The following SEMA4D variants were observed in gnomAD, a reference collection of about 807,000 sequenced individuals.
SEMA4D encodes the protein semaphorin 4D, also known as semaphorin-4D.
A neutral mutation model predicts 74.8 loss-of-function variants in SEMA4D; 22 were observed. The ratio of observed to expected loss-of-function variants is 0.29; its 90% CI spans 0.21 to 0.42. SEMA4D has a LOEUF of 0.42. Among genes scored for constraint, SEMA4D ranks in the 10% least tolerant of loss-of-function variants. The probability of loss-of-function intolerance (pLI) is 1.00; values close to 1 mark genes in which losing one functional copy is unlikely to be tolerated. For missense variants in SEMA4D, 937 were observed against 1,118.4 expected (o/e 0.84, Z 2.31); for synonymous variants, 445 against 463.7 (o/e 0.96, Z 0.52).
intron 2 of SEMA4D, among the ~76,000 whole-genome samples, chr9:89,416,578 G>A (rs555735001): frequency 3.9e-5 from 6 of 152,174 alleles, no homozygotes; most frequent in Non-Finnish European, 5.9e-5. Context: ...AGACTCACAA[G>A]AACATACACT....
rs763389990 is a variant in SEMA4D at position 89,381,044 on chromosome 9, G to A, written c.1663+11C>T. The A allele has an allele frequency of 6.8e-6, 11 of 1,613,926 alleles. No individual in the cohort carries two copies. In the East Asian group the frequency reaches 1.3e-4, roughly 20 times the overall value. ...CTCCCAAAGGAAATGGGACGTCGAG[G>A]AGTCACTCACCCGGGCACACAGAAG... On this transcript the variant is annotated intron_variant, in intron 15 of 15. Coordinates refer to ENST00000422704, the MANE Select transcript of SEMA4D (RefSeq NM_001371194.2). This position sits in a 1 kb window ranked among gnomAD's most constrained non-coding sequence, Gnocchi z 4.6.
At chr9:89,434,843 G>C (rs931481049) in intron 2 of SEMA4D, among the ~76,000 whole-genome samples, 3 of 152,224 alleles carry the variant, frequency 2.0e-5, no homozygotes, top group African/African-American at 7.2e-5. Context: ...GAATGTAGAG[G>C]GGAGGCAGGG....
chr9:89,376,816 G>A (rs1202733389), downstream of SEMA4D: 1 of 1,542,874 alleles, frequency 6.5e-7, no homozygotes, highest in East Asian at 2.5e-5. Flanking sequence ...ACAGGGGACA[G>A]AGAGGGCCCA....
At chr9:89,489,145 G>C (rs1432570254) in intron 1 of SEMA4D, among the ~76,000 whole-genome samples, 3 of 152,246 alleles carry the variant, frequency 2.0e-5, no homozygotes, top group African/African-American at 7.2e-5. Context: ...TAAACCAACT[G>C]CAACTCTCAT....
chr9:89,432,032 C>G (rs1849383437), intron 2 of SEMA4D, among the ~76,000 whole-genome samples: 1 of 138,662 alleles, frequency 7.2e-6, no homozygotes. Context: ...CAAGCCCTGA[C>G]CAGTCCATCT....
intron 2 of SEMA4D, among the ~76,000 whole-genome samples, chr9:89,433,288 A>C (rs1478740742): frequency 1.2e-5 from 1 of 84,680 alleles, no homozygotes; most frequent in Non-Finnish European, 2.6e-5. Context: ...CCGGCAGCAG[A>C]CGGACTGAGG....
At chr9:89,417,398 G>T (rs544088932) in intron 2 of SEMA4D, among the ~76,000 whole-genome samples, 1 of 152,124 alleles carries the variant, frequency 6.6e-6, no homozygotes, top group East Asian at 1.9e-4. Flanking sequence ...CTCTCATCAC[G>T]GTCCCATGCA....
chr9:89,450,660 G>GGAAAAAAAAAAAAAAAAAAAAAAAAAAAA lies in SEMA4D; in HGVS notation c.-244+5227_-244+5228insTTTTTTTTTTTTTTTTTTTTTTTTTTTTC, dbSNP rs1491451024. ...GAGTTCTGCAAGTCGAAAAACCCAG[G>GGAAAAAAAAAAAAAAAAAAAAAAAAAAAA]AAAAAAAAAAAAAAAAAAAAAAAAA... On this transcript the variant is annotated intron_variant, in intron 2 of 15. Transcript: ENST00000422704. 1.3e-4 allele frequency: 55 copies of GGAAAAAAAAAAAAAAAAAAAAAAAAAAAA among 430,422 alleles called. 4 individuals carry two copies. Among genetic ancestry groups the GGAAAAAAAAAAAAAAAAAAAAAAAAAAAA allele is most frequent in the African/African-American group, 6.1e-4 (11 of 18,100 alleles). The allele number at this position is 430,422 out of a possible 1,614,324, so 26.7% of individuals were successfully genotyped here.
intron 16 of SEMA4D, among the ~76,000 whole-genome samples, chr9:89,365,983 A>G (rs1833601605): frequency 6.6e-6 from 1 of 152,218 alleles, no homozygotes; most frequent in Non-Finnish European, 1.5e-5. Context: ...GCTCCTCCCA[A>G]GGACTTGACC....
At chr9:89,435,285 C>T (rs1318271457) in intron 2 of SEMA4D, among the ~76,000 whole-genome samples, 1 of 152,230 alleles carries the variant, frequency 6.6e-6, no homozygotes, top group Non-Finnish European at 1.5e-5. Flanking sequence ...AAAACCAGTA[C>T]ATTCCATGGG....
chr9:89,434,117 A>G (rs1380309938), intron 2 of SEMA4D, among the ~76,000 whole-genome samples: 1 of 152,206 alleles, frequency 6.6e-6, no homozygotes, highest in Non-Finnish European at 1.5e-5. Context: ...CCAGCTGTTC[A>G]TGTTTTAAGA....
At chr9:89,442,758 G>A (rs1020510517) in intron 2 of SEMA4D, among the ~76,000 whole-genome samples, 4 of 152,182 alleles carry the variant, frequency 2.6e-5, no homozygotes, top group Non-Finnish European at 4.4e-5. Context: ...AGAGGGATCA[G>A]CACCAGACAG....
At chr9:89,407,033 A>C (rs1055007299) in intron 2 of SEMA4D, among the ~76,000 whole-genome samples, 17 of 129,528 alleles carry the variant, frequency 1.3e-4, no homozygotes, top group Non-Finnish European at 2.3e-4. Flanking sequence ...CCTCCTGTCC[A>C]TCTCCACCAC....
rs919753156 is a variant in SEMA4D, at chr9:89,492,979, C to G, written c.-310+4940G>C. ...AGCGGCTGGACCTAGAACTATCTAT[C>G]TCCCCTCTCATTAGCCTCCCATCTC... On this transcript the variant is annotated intron_variant, in intron 1 of 15. Transcript: ENST00000422704. This position sits in a 1 kb window ranked among gnomAD's most constrained non-coding sequence, Gnocchi z 4.3. Among the ~76,000 whole-genome samples, 1 of 152,218 alleles carries G rather than the reference C, an allele frequency of 6.6e-6. No individual in the cohort carries two copies. Among genetic ancestry groups the G allele is most frequent in the Non-Finnish European group, 1.5e-5 (1 of 68,030 alleles).
chr9:89,420,939 A>G (rs1173802809), intron 2 of SEMA4D, among the ~76,000 whole-genome samples: 1 of 152,250 alleles, frequency 6.6e-6, no homozygotes, highest in African/African-American at 2.4e-5. Flanking sequence ...GGGAGGCATT[A>G]ACTATCATTC....
chr9:89,399,338 C>T lies in SEMA4D; in HGVS notation c.253G>A (p.Val85Met). 6.2e-7 allele frequency: 1 copy of T among 1,608,918 alleles called. No individual in the cohort carries two copies. Among genetic ancestry groups the T allele is most frequent in the South Asian group, 1.1e-5 (1 of 90,966 alleles). ...TTGTCTTCTGAGACCTTCCAATACACCTGTTGGGATAGAGTCCATATCAGT... is the reference window on the plus strand; with the variant it reads ...TTGTCTTCTGAGACCTTCCAATACATCTGTTGGGATAGAGTCCATATCAGT... ...ALNISEKQHE[V>M]YWKVSEDKKA... The change falls in exon 5 of 16, where the codon GTG (valine) becomes ATG (methionine). Residue 85 changes from valine to methionine, a missense_variant and splice_region_variant. Val to Met is a conservative substitution (Grantham distance 21). Transcript: ENST00000422704.
chr9:89,474,020 G>A (rs952229521), intron 1 of SEMA4D, among the ~76,000 whole-genome samples: 15 of 152,106 alleles, frequency 9.9e-5, no homozygotes, highest in African/African-American at 1.9e-4. Flanking sequence ...GAGAGAAGAC[G>A]GGTACCATGC....
chr9:89,389,905 A>C (rs1013232426), intron 9 of SEMA4D, among the ~76,000 whole-genome samples: 1 of 152,168 alleles, frequency 6.6e-6, no homozygotes, highest in African/African-American at 2.4e-5. Flanking sequence ...GGTCACGGGC[A>C]GCAGGTGAAG....
chr9:89,370,846 G>A (rs577046909), intron 16 of SEMA4D, among the ~76,000 whole-genome samples: 16 of 132,828 alleles, frequency 1.2e-4, no homozygotes, highest in Non-Finnish European at 2.3e-4. Flanking sequence ...GCGGTGTGTC[G>A]GGCGTGTGTG....
Sources: gnomAD v4.1 joint callset for allele counts (sites outside exome capture counted in the v4.1 genomes callset) on GRCh38, gnomAD v4.1.1 for gene constraint, Gnocchi (gnomAD v3.1) non-coding constraint, MANE v1.5 for transcripts, NCBI Gene and HGNC (gene_info 2026-07-23, HGNC 2026-07-21) for gene names.